ST6GALNAC3: variants seen among roughly 807,000 people sequenced by gnomAD.
ST6GALNAC3 encodes the protein ST6 N-acetylgalactosaminide alpha-2,6-sialyltransferase 3.
In ST6GALNAC3, 25 loss-of-function variants were observed where a neutral mutation model predicts 32.7. The ratio of observed to expected loss-of-function variants is 0.76; its 90% CI spans 0.56 to 1.07. The LOEUF (loss-of-function observed/expected upper bound fraction) is 1.07. ST6GALNAC3 is among the 50% of genes least tolerant of loss of function. The pLI is 0.00. For synonymous variants in ST6GALNAC3, 129 were observed against 133.1 expected (o/e 0.97, Z 0.21); for missense variants, 355 against 382.4 (o/e 0.93, Z 0.60).
intron 2 of ST6GALNAC3, among the ~76,000 whole-genome samples, chr1:76,362,219 C>G (rs913395675): frequency 6.6e-6 from 1 of 152,068 alleles, no homozygotes; most frequent in South Asian, 2.1e-4. Context: ...GTTTAAACAA[C>G]CGGATCTCTT....
intron 3 of ST6GALNAC3, among the ~76,000 whole-genome samples, chr1:76,459,177 T>A (rs1331397820): frequency 1.3e-5 from 2 of 152,210 alleles, no homozygotes; most frequent in East Asian, 3.9e-4. Flanking sequence ...TTCCTTCCAA[T>A]CCTTTGTTTC....
chr1:76,314,599 C>G (rs1329116397), intron 2 of ST6GALNAC3, among the ~76,000 whole-genome samples: 3 of 152,130 alleles, frequency 2.0e-5, no homozygotes, highest in African/African-American at 7.2e-5. Flanking sequence ...ATATTGACAA[C>G]TAGAAAGTGC....
intron 1 of ST6GALNAC3, among the ~76,000 whole-genome samples, chr1:76,117,330 A>G (rs1343026225): frequency 6.6e-6 from 1 of 152,226 alleles, no homozygotes; most frequent in Non-Finnish European, 1.5e-5. Flanking sequence ...TGTAAATGTG[A>G]TGAAAGGGAA....
At chr1:76,440,170 C>T (rs533578938) in intron 3 of ST6GALNAC3, among the ~76,000 whole-genome samples, 5 of 152,094 alleles carry the variant, frequency 3.3e-5, no homozygotes, top group South Asian at 2.1e-4. Context: ...AGTAAAGAGA[C>T]GAAGCATGGA....
intron 1 of ST6GALNAC3, among the ~76,000 whole-genome samples, chr1:76,253,975 G>A (rs1657771782): frequency 6.6e-6 from 1 of 152,108 alleles, no homozygotes; most frequent in Admixed American, 6.6e-5. Context: ...AGAGGGAAAT[G>A]GTGGTAAATG....
intron 3 of ST6GALNAC3, among the ~76,000 whole-genome samples, chr1:76,522,189 AT>A (rs1364684083): frequency 6.6e-6 from 1 of 150,654 alleles, no homozygotes; most frequent in Non-Finnish European, 1.5e-5. Context: ...GATACTGTGT[AT>A]TTTTTCCTTT....
chr1:76,276,600 G>A (rs1174344903), intron 1 of ST6GALNAC3, among the ~76,000 whole-genome samples: 1 of 152,126 alleles, frequency 6.6e-6, no homozygotes, highest in Non-Finnish European at 1.5e-5. Context: ...TCTAGTTTGG[G>A]AGTGTTAGGA....
intron 1 of ST6GALNAC3, among the ~76,000 whole-genome samples, chr1:76,287,387 C>CTTTTTTTTTTTTT (rs5775339): frequency 7.6e-6 from 1 of 130,754 alleles, no homozygotes; most frequent in Non-Finnish European, 1.6e-5. Context: ...TTTTTTCTTC[C>CTTTTTTTTTTTTT]TTTTTTTTTT....
chr1:76,329,285 A>C (rs1476275692), intron 2 of ST6GALNAC3, among the ~76,000 whole-genome samples: 1 of 152,178 alleles, frequency 6.6e-6, no homozygotes, highest in Non-Finnish European at 1.5e-5. Context: ...TGCAGGCTAC[A>C]TAGTCATGCC....
At chr1:76,600,516 A>AC (rs1427908123) in intron 3 of ST6GALNAC3, among the ~76,000 whole-genome samples, 2 of 152,074 alleles carry the variant, frequency 1.3e-5, no homozygotes, top group African/African-American at 4.8e-5. Context: ...ATAAGACAGG[A>AC]CCCTGCTCAT....
intron 1 of ST6GALNAC3, among the ~76,000 whole-genome samples, chr1:76,260,978 A>G (rs1027340371): frequency 2.2e-5 from 3 of 135,424 alleles, no homozygotes; most frequent in African/African-American, 1.0e-4. Context: ...TTTGATACAC[A>G]CACACACACA....
At chr1:76,109,254 C>T (rs1373907918) in intron 1 of ST6GALNAC3, among the ~76,000 whole-genome samples, 1 of 152,140 alleles carries the variant, frequency 6.6e-6, no homozygotes, top group Non-Finnish European at 1.5e-5. Flanking sequence ...GACTTTTCTC[C>T]TGGCTACACT....
chr1:76,605,861 TAAAAAAA>T lies in ST6GALNAC3; in HGVS notation c.624-21569_624-21563del, dbSNP rs1159864958. Among the ~76,000 whole-genome samples the T allele has an allele frequency of 4.2e-3, 245 of 58,900 alleles. 2 individuals carry two copies. The highest frequency in any genetic ancestry group is 0.015 in the African/African-American group (207 of 13,586). The allele number at this position is 58,900 out of a possible 152,430, so 38.6% of individuals were successfully genotyped here. On this transcript the variant is annotated intron_variant, in intron 3 of 4. Transcript: ENST00000328299. ...TCCTGGGTAATAGAGGGAGACTCCATAAAAAAAAAAAAAAAAAAAAAAAAAAAAGGAT... is the reference window on the plus strand; with the variant it reads ...TCCTGGGTAATAGAGGGAGACTCCATAAAAAAAAAAAAAAAAAAAAAGGAT...
chr1:76,382,208 A>G (rs1049491750), intron 2 of ST6GALNAC3, among the ~76,000 whole-genome samples: 23 of 152,200 alleles, frequency 1.5e-4, no homozygotes, highest in African/African-American at 3.9e-4. Context: ...TTTACTTACC[A>G]TGTATGATAG....
chr1:76,127,554 A>G (rs1024344358), intron 1 of ST6GALNAC3, among the ~76,000 whole-genome samples: 1 of 152,194 alleles, frequency 6.6e-6, no homozygotes, highest in African/African-American at 2.4e-5. Flanking sequence ...AATAATAAAC[A>G]TTTATTATGT....
intron 1 of ST6GALNAC3, among the ~76,000 whole-genome samples, chr1:76,164,776 G>A (rs114433059): frequency 0.028 from 4,330 of 152,114 alleles, 202 homozygotes; most frequent in African/African-American, 0.099. Context: ...ATTAGGAAGG[G>A]GAAAGGCTGA....
intron 3 of ST6GALNAC3, among the ~76,000 whole-genome samples, chr1:76,525,381 C>T (rs1662801391): frequency 6.6e-6 from 1 of 151,978 alleles, no homozygotes. Context: ...TTTTGCAATT[C>T]AAATATACAG....
At chr1:76,432,657 A>T (rs1198989915) in intron 3 of ST6GALNAC3, among the ~76,000 whole-genome samples, 3 of 151,338 alleles carry the variant, frequency 2.0e-5, no homozygotes, top group Non-Finnish European at 4.4e-5. Flanking sequence ...GAGTCACTCC[A>T]TGTTGCCTAG....
At chr1:76,335,904 C>A (rs1222224387) in intron 2 of ST6GALNAC3, among the ~76,000 whole-genome samples, 1 of 152,100 alleles carries the variant, frequency 6.6e-6, no homozygotes, top group African/African-American at 2.4e-5. Flanking sequence ...CAAAAGGAGC[C>A]ATGTAAAATT....
Sources: allele counts gnomAD v4.1 joint callset (sites outside exome capture counted in the v4.1 genomes callset), GRCh38; gene constraint gnomAD v4.1.1; transcripts MANE v1.5; gene names NCBI Gene and HGNC (gene_info 2026-07-23, HGNC 2026-07-21).